The following NRG3 variants were observed in gnomAD, a reference collection of about 807,000 sequenced individuals.
NRG3 encodes the protein pro-neuregulin-3, membrane-bound isoform.
Under a neutral mutation model 66.9 loss-of-function variants are expected in NRG3, and 31 were observed. That is an observed-to-expected ratio of 0.46 (90% confidence interval 0.35 to 0.63). The LOEUF (loss-of-function observed/expected upper bound fraction) is 0.63, where lower values mean the gene tolerates loss of function less well. Among genes scored for constraint, NRG3 ranks in the 20% least tolerant of loss-of-function variants. The pLI is 0.00. For missense variants in NRG3, 910 were observed against 878.9 expected (o/e 1.04, Z -0.45); for synonymous variants, 393 against 359.4 (o/e 1.09, Z -1.06).
At chr10:82,356,176 T>C (rs1937965) in intron 1 of NRG3, among the ~76,000 whole-genome samples, 56,989 of 152,000 alleles carry the variant, frequency 0.37, 15,528 homozygotes, top group African/African-American at 0.76. Context: ...CCACTAGAGA[T>C]AGCAGTTGTC....
At chr10:82,299,398 G>A (rs1161575288) in intron 1 of NRG3, among the ~76,000 whole-genome samples, 2 of 152,094 alleles carry the variant, frequency 1.3e-5, no homozygotes, top group Non-Finnish European at 2.9e-5. Flanking sequence ...GTATCACACA[G>A]CTAATAAATG....
At chr10:82,733,230 G>A (rs1591351428) in intron 2 of NRG3, among the ~76,000 whole-genome samples, 1 of 152,054 alleles carries the variant, frequency 6.6e-6, no homozygotes, top group African/African-American at 2.4e-5. Context: ...GAACATATTT[G>A]TATTCTTCAT....
rs2058256053 is a variant in NRG3 at position 82,738,339 on chromosome 10, C to A, written c.954-238C>A. On this transcript the variant is annotated intron_variant, in intron 2 of 8. Transcript: ENST00000372141. ...TCTTAAAATGCGATTCAATTTGCTC[C>A]TTAGATATTGCATATCAAACTATAA... 3.3e-5 allele frequency among the ~76,000 whole-genome samples: 5 copies of A among 152,150 alleles called. No individual in the cohort carries two copies. The South Asian group carries it at 6.2e-4, about 19-fold the overall frequency.
intron 4 of NRG3, among the ~76,000 whole-genome samples, chr10:82,917,266 T>C (rs1313784969): frequency 1.3e-5 from 2 of 152,176 alleles, no homozygotes; most frequent in African/African-American, 4.8e-5. Flanking sequence ...CTCACAGAAC[T>C]ATCATTCCCT....
chr10:82,280,754 A>G (rs765614020), intron 1 of NRG3, among the ~76,000 whole-genome samples: 6 of 152,146 alleles, frequency 3.9e-5, no homozygotes, highest in Non-Finnish European at 7.4e-5. Context: ...AGGGCTCTCA[A>G]TAAGGCAATT....
At chr10:82,470,563 G>C (rs1291097354) in intron 2 of NRG3, among the ~76,000 whole-genome samples, 1 of 152,244 alleles carries the variant, frequency 6.6e-6, no homozygotes, top group East Asian at 1.9e-4. Context: ...GAGTTCGTCA[G>C]AGGCCCATGA....
At chr10:82,753,446 A>G (rs1432524864) in intron 3 of NRG3, among the ~76,000 whole-genome samples, 1 of 151,494 alleles carries the variant, frequency 6.6e-6, no homozygotes, top group Admixed American at 6.6e-5. Context: ...TGATCTTTGC[A>G]TTTTGTCTTT....
chr10:82,817,162 T>C (rs1246725242), intron 3 of NRG3, among the ~76,000 whole-genome samples: 4 of 152,204 alleles, frequency 2.6e-5, no homozygotes, highest in African/African-American at 7.2e-5. Flanking sequence ...ATTCTACTGA[T>C]GGCTTTCCAA....
At chr10:82,556,974 TTC>T (rs956613107) in intron 2 of NRG3, among the ~76,000 whole-genome samples, 52 of 152,328 alleles carry the variant, frequency 3.4e-4, no homozygotes, top group African/African-American at 1.2e-3. Context: ...CATGATCTCT[TTC>T]TTTTTATGGC....
intron 1 of NRG3, among the ~76,000 whole-genome samples, chr10:82,321,299 G>T (rs1447535850): frequency 7.7e-6 from 1 of 129,078 alleles, no homozygotes; most frequent in Non-Finnish European, 1.5e-5. Context: ...CTGTGGCAGG[G>T]GTGGGGGTGG....
chr10:82,047,721 T>G (rs1004357009), intron 1 of NRG3, among the ~76,000 whole-genome samples: 46 of 151,240 alleles, frequency 3.0e-4, no homozygotes, highest in Non-Finnish European at 6.1e-4. Flanking sequence ...GCTAACATCA[T>G]AATGACAGGT....
At chr10:82,027,835 C>T (rs1225872738) in intron 1 of NRG3, among the ~76,000 whole-genome samples, 1 of 152,054 alleles carries the variant, frequency 6.6e-6, no homozygotes, top group Non-Finnish European at 1.5e-5. Flanking sequence ...CATTGAGGGA[C>T]TGAAGGTAAA....
intron 2 of NRG3, among the ~76,000 whole-genome samples, chr10:82,428,613 T>G (rs952832072): frequency 6.6e-6 from 1 of 152,044 alleles, no homozygotes; most frequent in East Asian, 1.9e-4. Context: ...TGCATAAATG[T>G]TTGATTTATG....
At chr10:81,927,592 A>G (rs1186505209) in intron 1 of NRG3, among the ~76,000 whole-genome samples, 1 of 152,226 alleles carries the variant, frequency 6.6e-6, no homozygotes, top group Non-Finnish European at 1.5e-5. Context: ...ATTTTAAATG[A>G]TAGACTTTGT....
At chr10:82,506,300 TC>T (rs1271665702) in intron 2 of NRG3, among the ~76,000 whole-genome samples, 3 of 152,202 alleles carry the variant, frequency 2.0e-5, no homozygotes, top group Non-Finnish European at 2.9e-5. Flanking sequence ...TTGCAAGCTG[TC>T]CCAGTGCTGC....
chr10:82,803,665 G>A (rs1279533235), intron 3 of NRG3, among the ~76,000 whole-genome samples: 7 of 152,070 alleles, frequency 4.6e-5, no homozygotes, highest in Admixed American at 1.3e-4. Context: ...GAGTTATTCC[G>A]GTGTTGAGGA....
chr10:81,929,920 A>G (rs879700327), intron 1 of NRG3, among the ~76,000 whole-genome samples: 1 of 152,204 alleles, frequency 6.6e-6, no homozygotes, highest in Non-Finnish European at 1.5e-5. Flanking sequence ...AATATCCATA[A>G]AAGAAACCTC....
chr10:82,820,180 A>C (rs916486048), intron 3 of NRG3, among the ~76,000 whole-genome samples: 6 of 152,210 alleles, frequency 3.9e-5, no homozygotes, highest in African/African-American at 1.2e-4. Flanking sequence ...ACATCAGATG[A>C]ATGACTTAGA....
intron 1 of NRG3, among the ~76,000 whole-genome samples, chr10:82,002,776 T>G (rs1264715540): frequency 6.6e-6 from 1 of 152,138 alleles, no homozygotes; most frequent in Non-Finnish European, 1.5e-5. Flanking sequence ...TGCAAGAAAA[T>G]AGTTTCATGG....
Sources: gnomAD v4.1 joint callset for allele counts (sites outside exome capture counted in the v4.1 genomes callset) on GRCh38, gnomAD v4.1.1 for gene constraint, MANE v1.5 for transcripts, NCBI Gene and HGNC (gene_info 2026-07-23, HGNC 2026-07-21) for gene names.